The following FRMPD4 variants were observed in gnomAD, a reference collection of about 807,000 sequenced individuals.
The protein encoded by FRMPD4 is FERM and PDZ domain containing 4.
Under a neutral mutation model 94.1 loss-of-function variants are expected in FRMPD4, and 22 were observed. The ratio of observed to expected loss-of-function variants is 0.23; its 90% CI spans 0.17 to 0.33. The LOEUF (loss-of-function observed/expected upper bound fraction) is 0.33, where lower values mean the gene tolerates loss of function less well. Among genes scored for constraint, FRMPD4 ranks in the 10% least tolerant of loss-of-function variants. The probability of loss-of-function intolerance (pLI) is 1.00; values close to 1 mark genes in which losing one functional copy is unlikely to be tolerated. For missense variants in FRMPD4, 1,111 were observed against 1,339.9 expected (o/e 0.83, Z 2.67); for synonymous variants, 631 against 548.6 (o/e 1.15, Z -2.10).
At chrX:11,975,410 A>G (rs991847863) in intron 3 of FRMPD4, among the ~76,000 whole-genome samples, 1 of 112,229 alleles carries the variant, frequency 8.9e-6, no homozygotes, top group Non-Finnish European at 1.9e-5. Context: ...CTTTCTTGGC[A>G]GGATTGTTCA....
intron 1 of FRMPD4, among the ~76,000 whole-genome samples, chrX:12,331,919 T>C: frequency 2.1e-5 from 1 of 47,838 alleles, no homozygotes. Flanking sequence ...TAAATATATA[T>C]ATTTATATAC....
intron 1 of FRMPD4, among the ~76,000 whole-genome samples, chrX:11,846,245 CAGAG>C (rs1433085131): frequency 9.4e-6 from 1 of 106,643 alleles, no homozygotes; most frequent in East Asian, 3.0e-4. Context: ...AACAGACAAA[CAGAG>C]AGCCAAATCA....
intron 3 of FRMPD4, among the ~76,000 whole-genome samples, chrX:12,111,854 A>G (rs1227401777): frequency 8.9e-6 from 1 of 112,003 alleles, no homozygotes; most frequent in Admixed American, 9.5e-5. Context: ...ATGCAAATCA[A>G]AACCACAATA....
rs755984494 is a variant in FRMPD4, at chrX:12,015,625, T to G, written c.95+137607T>G. Among the ~76,000 whole-genome samples, 3 of 112,541 alleles carry G rather than the reference T, an allele frequency of 2.7e-5. No homozygotes were observed. The East Asian group carries it at 8.3e-4, about 31-fold the overall frequency. On this transcript the variant is annotated intron_variant, in intron 3 of 18. Transcript: ENST00000640291. ...AAAATCTACATTTCCTAGTCTCCTG[T>G]GCATTTATGGCTGGCCATGTGACAT... is the stretch of plus-strand genomic sequence containing the variant.
intron 3 of FRMPD4, among the ~76,000 whole-genome samples, chrX:12,116,669 G>T (rs768659995): frequency 9.0e-6 from 1 of 111,650 alleles, no homozygotes; most frequent in Admixed American, 9.5e-5. Flanking sequence ...TTTTCTCATG[G>T]GACTCAAGTT....
chrX:11,890,130 G>T (rs1038994045), intron 3 of FRMPD4, among the ~76,000 whole-genome samples: 1 of 112,271 alleles, frequency 8.9e-6, no homozygotes, highest in Admixed American at 9.4e-5. Flanking sequence ...TTACAACATG[G>T]TAGCAAGGAA....
chrX:12,093,565 C>T (rs2055172328), intron 3 of FRMPD4, among the ~76,000 whole-genome samples: 1 of 103,362 alleles, frequency 9.7e-6, no homozygotes. Context: ...AGTCCAAAGT[C>T]TGCCTAGCTT....
intron 2 of FRMPD4, among the ~76,000 whole-genome samples, chrX:12,594,422 C>CATTTATTTATTT (rs747602603): frequency 9.9e-6 from 1 of 101,513 alleles, no homozygotes; most frequent in African/African-American, 4.5e-5. Context: ...TAGTTAACCC[C>CATTTATTTATTT]ATTTATTTAT....
At chrX:12,492,353 C>T (rs1263372232) in intron 1 of FRMPD4, among the ~76,000 whole-genome samples, 3 of 112,021 alleles carry the variant, frequency 2.7e-5, no homozygotes, top group Non-Finnish European at 5.6e-5. Flanking sequence ...CTGTGAGAGG[C>T]TTGTGCTGAA....
chrX:12,339,601 T>C (rs924635141), intron 1 of FRMPD4, among the ~76,000 whole-genome samples: 18 of 109,721 alleles, frequency 1.6e-4, no homozygotes, highest in East Asian at 8.5e-4. Flanking sequence ...CACAGCATCA[T>C]TGGAAAAAGT....
At chrX:12,402,326 A>G (rs1358242630) in intron 1 of FRMPD4, among the ~76,000 whole-genome samples, 1 of 111,507 alleles carries the variant, frequency 9.0e-6, no homozygotes, top group Non-Finnish European at 1.9e-5. Context: ...GACCTGACTA[A>G]TAAGATTTGA....
chrX:12,421,610 T>TG (rs2056884226), intron 1 of FRMPD4, among the ~76,000 whole-genome samples: 1 of 109,192 alleles, frequency 9.2e-6, no homozygotes. Context: ...GTATAAAAAA[T>TG]TAGCTGAGCA....
chrX:12,672,695 A>C (rs570375724), intron 4 of FRMPD4, among the ~76,000 whole-genome samples: 1 of 111,821 alleles, frequency 8.9e-6, no homozygotes, highest in African/African-American at 3.2e-5. Context: ...ATTCTGTCTC[A>C]GTTCATCTTA....
intron 1 of FRMPD4, among the ~76,000 whole-genome samples, chrX:12,428,555 G>A (rs1412216782): frequency 9.0e-6 from 1 of 111,008 alleles, no homozygotes; most frequent in East Asian, 2.8e-4. Flanking sequence ...AATTTCCTTT[G>A]TTTCTTTCAC....
At chrX:12,037,351 A>C (rs2054725848) in intron 3 of FRMPD4, among the ~76,000 whole-genome samples, 1 of 111,582 alleles carries the variant, frequency 9.0e-6, no homozygotes, top group African/African-American at 3.3e-5. Flanking sequence ...CACCACAGTT[A>C]AGATATAGAA....
At chrX:12,422,127 C>T (rs748664706) in intron 1 of FRMPD4, among the ~76,000 whole-genome samples, 2 of 112,015 alleles carry the variant, frequency 1.8e-5, no homozygotes, top group African/African-American at 6.5e-5. Flanking sequence ...GGCTTTGGGG[C>T]GTGCTTCTTT....
intron 3 of FRMPD4, among the ~76,000 whole-genome samples, chrX:12,043,458 G>A (rs762906855): frequency 1.8e-5 from 2 of 111,284 alleles, no homozygotes; most frequent in Non-Finnish European, 3.8e-5. Context: ...TATGAGGTTT[G>A]CTCTAAAGGG....
At chrX:11,837,113 C>G (rs1207240829) in intron 1 of FRMPD4, among the ~76,000 whole-genome samples, 1 of 111,762 alleles carries the variant, frequency 8.9e-6, no homozygotes, top group Non-Finnish European at 1.9e-5. Context: ...CTTAAAATAA[C>G]AAATCACTTT....
At chrX:11,903,889 C>G (rs2053952622) in intron 3 of FRMPD4, among the ~76,000 whole-genome samples, 1 of 111,416 alleles carries the variant, frequency 9.0e-6, no homozygotes, top group African/African-American at 3.3e-5. Flanking sequence ...AGGCAATGCT[C>G]TCAGCTCAAC....
Sources: gnomAD v4.1 joint callset for allele counts (sites outside exome capture counted in the v4.1 genomes callset) on GRCh38, gnomAD v4.1.1 for gene constraint, MANE v1.5 for transcripts, NCBI Gene and HGNC (gene_info 2026-07-23, HGNC 2026-07-21) for gene names.